Variants in RNF213 observed in about 807,000 individuals in gnomAD.
The protein encoded by RNF213 is ring finger protein 213.
In RNF213, 341 loss-of-function variants were observed where a neutral mutation model predicts 514.4. The observed-to-expected ratio is 0.66, with a 90% CI of 0.61 to 0.73. The LOEUF (loss-of-function observed/expected upper bound fraction) is 0.73, where lower values mean the gene tolerates loss of function less well. Ranked by LOEUF, RNF213 falls within the 30% of genes least tolerant of loss-of-function variation. The probability of loss-of-function intolerance (pLI) is 0.00; values close to 1 mark genes in which losing one functional copy is unlikely to be tolerated. For synonymous variants in RNF213, 2,655 were observed against 2,658.2 expected (o/e 1.00, Z 0.04); for missense variants, 5,767 against 6,615.6 (o/e 0.87, Z 4.45).
intron 3 of RNF213, among the ~76,000 whole-genome samples, chr17:80,278,066 T>C (rs2044133363): frequency 6.6e-6 from 1 of 152,194 alleles, no homozygotes; most frequent in Non-Finnish European, 1.5e-5. Context: ...ATTCTTCCTC[T>C]GGAGAGGCTA....
At chr17:80,308,149 C>A (rs549741330) in intron 13 of RNF213, among the ~76,000 whole-genome samples, 3 of 152,050 alleles carry the variant, frequency 2.0e-5, no homozygotes, top group Non-Finnish European at 4.4e-5. Context: ...TGCCAGTGAG[C>A]GATGGGATGG....
rs764338917 is a variant in RNF213 at position 80,327,876 on chromosome 17, C to G, written c.3254C>G (p.Ala1085Gly). The change falls in exon 19 of 68, where the codon GCC becomes GGC. Residue 1085 changes from alanine to glycine, a missense_variant. Coordinates refer to ENST00000582970, the MANE Select transcript of RNF213 (RefSeq NM_001256071.3). ...TEDAKRLIAV[A>G]DSVLTKVVGD... ...GATGCCAAGAGGCTGATAGCTGTTGCCGACTCTGTGTTGACGAAAGTTGTT... is the reference window on the plus strand; with the variant it reads ...GATGCCAAGAGGCTGATAGCTGTTGGCGACTCTGTGTTGACGAAAGTTGTT... 1.1e-5 allele frequency: 17 copies of G among 1,537,204 alleles called. No individual in the cohort carries two copies. The South Asian group carries it at 1.9e-4, about 17-fold the overall frequency.
In RNF213 at chr17:80,367,850, T is replaced by C. The variant is rs1307306717; in HGVS notation, c.11972+2T>C. 1.2e-6 allele frequency: 2 copies of C among 1,613,878 alleles called. No individual in the cohort carries two copies. Among genetic ancestry groups the C allele is most frequent in the East Asian group, 4.5e-5 (2 of 44,898 alleles). On this transcript the variant is annotated splice_donor_variant, in intron 43 of 67. Coordinates refer to ENST00000582970, the MANE Select transcript of RNF213 (RefSeq NM_001256071.3). LOFTEE classifies it high-confidence loss of function. ...GACAGCCAGCAAGACCCTCAGCAGG[T>C]GAGACCTTAGGTTTGGATCTGTGAA...
chr17:80,261,099 C>T (rs959410471), intron 1 of RNF213, among the ~76,000 whole-genome samples, 197 bp downstream of exon 1: 6 of 152,024 alleles, frequency 3.9e-5, no homozygotes, highest in Non-Finnish European at 1.5e-5. Flanking sequence ...GCCCACTGAC[C>T]CTGTTCCCCG....
intron 67 of RNF213, 74 bp downstream of exon 67, chr17:80,390,270 C>T: frequency 6.1e-6 from 9 of 1,476,812 alleles, no homozygotes; most frequent in South Asian, 1.2e-5. Context: ...TCTATAGACA[C>T]AAAAATAGTT....
rs1163367896 is a variant in RNF213, at chr17:80,374,461, C to T, written c.12946C>T (p.Leu4316=). 1.2e-6 allele frequency: 2 copies of T among 1,614,160 alleles called. No individual in the cohort carries two copies. The highest frequency in any genetic ancestry group is 1.7e-6 in the Non-Finnish European group (2 of 1,180,004). The part of the protein sequence containing the change: ...FPKDVVKQQG[L]RQDHPGQMDR... ...CCAACTAACCTCTGTATTCCAGGGG[C>T]TGCGGCAGGACCACCCAGGCCAGAT... The change falls in exon 50 of 68, where the codon CTG becomes TTG. Residue 4316 remains leucine (L), a synonymous_variant. Transcript: ENST00000582970.
At chr17:80,373,271 C>A in intron 49 of RNF213, 106 bp downstream of exon 49, 2 of 832,638 alleles carry the variant, frequency 2.4e-6, no homozygotes, top group Non-Finnish European at 3.7e-6. Flanking sequence ...CCACACCCCA[C>A]CCCCTCACAC....
intron 18 of RNF213, among the ~76,000 whole-genome samples, chr17:80,325,648 A>T (rs906246566): frequency 6.0e-5 from 9 of 149,354 alleles, no homozygotes; most frequent in Non-Finnish European, 8.9e-5. Flanking sequence ...ACCTCAACAG[A>T]AAGTGAAGTA....
Position 80,385,095 on chromosome 17 carries a change from T to G in RNF213, c.14379T>G (p.Asp4793Glu), listed in dbSNP as rs2080179599. 6.2e-7 allele frequency: 1 copy of G among 1,614,096 alleles called. No individual in the cohort carries two copies. Among genetic ancestry groups the G allele is most frequent in the Non-Finnish European group, 8.5e-7 (1 of 1,179,992 alleles). ...FLPEILALQRDLVKQFQNVQQ... is the reference protein window; with the variant it reads ...FLPEILALQRELVKQFQNVQQ... Reference sequence around the variant, plus strand: ...CTGAGATTTTGGCCTTGCAAAGGGATCTAGTGAAGCAGTTCCAGAACGTCC... The same window carrying G: ...CTGAGATTTTGGCCTTGCAAAGGGAGCTAGTGAAGCAGTTCCAGAACGTCC... The change falls in exon 60 of 68, where the codon GAT becomes GAG. Residue 4793 changes from aspartate to glutamate, a missense_variant. This residue lies in a region of RNF213 where 1,245 missense variants were observed against 1,339.0 expected (regional missense o/e 0.93). Transcript: ENST00000582970.
chr17:80,345,966 G>A lies in RNF213; in HGVS notation c.7631G>A (p.Gly2544Asp). Residue 2544 changes from glycine (G) to aspartate (D), a missense_variant, in exon 29 of 68, where the codon GGC becomes GAC. By Grantham distance (94) the Gly-to-Asp change is moderately conservative. Coordinates refer to ENST00000582970, the MANE Select transcript of RNF213 (RefSeq NM_001256071.3). The surrounding 1 kb of genome is among the most constrained non-coding windows in gnomAD (Gnocchi z 6.0). ...MICRLESAGL[G>D]YRVSMEETAD... is the part of the protein sequence containing the mutation. ...TGCCGTTTGGAGTCAGCTGGTTTGG[G>A]CTACAGGGTTAGTATGGAGGAGACG... The A allele has an allele frequency of 1.2e-6, 2 of 1,614,236 alleles. No homozygotes were observed. The highest frequency in any genetic ancestry group is 2.2e-5 in the East Asian group (1 of 44,890).
At position 80,346,770 on chromosome 17, in the gene RNF213, A is replaced by C. The variant is rs2078326489; in HGVS notation, c.8435A>C (p.His2812Pro). 6.2e-7 allele frequency: 1 copy of C among 1,612,774 alleles called. No individual in the cohort carries two copies. Among genetic ancestry groups the C allele is most frequent in the African/African-American group, 1.3e-5 (1 of 74,584 alleles). ...VHLVSFQCSP[H>P]STPQGIISTF... ...CTGGTGTCCTTCCAGTGCAGCCCGC[A>C]CTCCACCCCACAGGGCATCATCAGC... Residue 2812 changes from histidine to proline, a missense_variant, in exon 29 of 68, where the codon CAC becomes CCC. Coordinates refer to ENST00000582970, the MANE Select transcript of RNF213 (RefSeq NM_001256071.3). The surrounding 1 kb of genome is among the most constrained non-coding windows in gnomAD (Gnocchi z 8.1).
chr17:80,371,835 G>T (rs1422695757), intron 46 of RNF213, 39 bp from the exon 47 acceptor site: 1 of 1,066,988 alleles, frequency 9.4e-7, no homozygotes, highest in South Asian at 1.3e-5. Context: ...TATGTCTCCA[G>T]ATCTGAGAGA....
At chr17:80,275,660 A>G (rs1388187887) in intron 3 of RNF213, among the ~76,000 whole-genome samples, 1 of 151,544 alleles carries the variant, frequency 6.6e-6, no homozygotes, top group Non-Finnish European at 1.5e-5. Flanking sequence ...TTTTTTCTTT[A>G]TTTTATTTTA....
intron 49 of RNF213, among the ~76,000 whole-genome samples, chr17:80,373,639 T>C (rs185754025): frequency 1.6e-3 from 245 of 152,200 alleles, no homozygotes; most frequent in African/African-American, 5.7e-3. Context: ...GGTGCGACCT[T>C]TTTACCTCTG....
chr17:80,306,053 C>T (rs1275928329), intron 11 of RNF213, among the ~76,000 whole-genome samples, 199 bp from the exon 12 acceptor site: 1 of 151,988 alleles, frequency 6.6e-6, no homozygotes, highest in African/African-American at 2.4e-5. Context: ...TGGTTTCAAG[C>T]TCCTGGGCTC....
chr17:80,321,469 G>A (rs2046133482), intron 17 of RNF213: 1 of 152,182 alleles, frequency 6.6e-6, no homozygotes, highest in African/African-American at 2.4e-5. Flanking sequence ...ACAAACATTA[G>A]TGTACATATT....
At chr17:80,273,467 A>G in intron 3 of RNF213, 63 bp downstream of exon 3, 1 of 1,599,338 alleles carries the variant, frequency 6.3e-7, no homozygotes, top group Admixed American at 1.7e-5. Context: ...ATCTCACTGC[A>G]CAGCTGCCCA....
intron 8 of RNF213, among the ~76,000 whole-genome samples, chr17:80,292,360 G>T (rs2044762862): frequency 6.6e-6 from 1 of 152,138 alleles, no homozygotes; most frequent in Non-Finnish European, 1.5e-5. Context: ...AAGCCACTAT[G>T]CCCAGCCAGA....
chr17:80,302,772 A>G (rs182554101), intron 11 of RNF213, among the ~76,000 whole-genome samples: 1 of 152,190 alleles, frequency 6.6e-6, no homozygotes, highest in Non-Finnish European at 1.5e-5. Flanking sequence ...ACATGAGAGG[A>G]TCGCTTGAGC....
Sources: gnomAD v4.1 joint callset for allele counts (sites outside exome capture counted in the v4.1 genomes callset) on GRCh38, gnomAD v4.1.1 for gene constraint, gnomAD v4.1.1 regional missense constraint, Gnocchi (gnomAD v3.1) non-coding constraint, MANE v1.5 for transcripts, NCBI Gene and HGNC (gene_info 2026-07-23, HGNC 2026-07-21) for gene names.